The following GRM7 variants were observed in gnomAD, a reference collection of about 807,000 sequenced individuals.
The protein encoded by GRM7 is metabotropic glutamate receptor 7.
GRM7 carries 35 observed loss-of-function variants against 84.5 expected under a neutral mutation model. The ratio of observed to expected loss-of-function variants is 0.41; its 90% CI spans 0.32 to 0.55. GRM7 has a LOEUF of 0.55. Among genes scored for constraint, GRM7 ranks in the 20% least tolerant of loss-of-function variants. The pLI, the probability that GRM7 is intolerant of heterozygous loss-of-function variation, is 0.19. For missense variants in GRM7, 1,003 were observed against 1,194.6 expected (o/e 0.84, Z 2.36); for synonymous variants, 487 against 455.1 (o/e 1.07, Z -0.89).
chr3:6,949,022 G>A (rs1264547166), intron 1 of GRM7, among the ~76,000 whole-genome samples: 3 of 152,054 alleles, frequency 2.0e-5, no homozygotes, highest in African/African-American at 7.2e-5. Flanking sequence ...TTGCCAGTCT[G>A]TGTCTTTTAA....
At chr3:7,239,687 T>G (rs1344900731) in intron 2 of GRM7, among the ~76,000 whole-genome samples, 2 of 152,172 alleles carry the variant, frequency 1.3e-5, no homozygotes, top group Non-Finnish European at 2.9e-5. Flanking sequence ...GGGACATTTT[T>G]GATCTGGGAA....
intron 4 of GRM7, among the ~76,000 whole-genome samples, chr3:7,383,889 T>C (rs1694685382): frequency 6.6e-6 from 1 of 152,234 alleles, no homozygotes; most frequent in African/African-American, 2.4e-5. Context: ...CTCTTCAGCT[T>C]CGTGGAGTTT....
intron 1 of GRM7, among the ~76,000 whole-genome samples, chr3:7,030,372 T>C (rs1259325308): frequency 6.6e-6 from 1 of 152,110 alleles, no homozygotes; most frequent in East Asian, 1.9e-4. Context: ...TAGACACTTT[T>C]GGGGGTGGGA....
intron 4 of GRM7, among the ~76,000 whole-genome samples, chr3:7,332,107 A>C (rs1028835628): frequency 6.6e-6 from 1 of 152,164 alleles, no homozygotes; most frequent in Non-Finnish European, 1.5e-5. Flanking sequence ...AGCACTAAGT[A>C]AAATAACAGT....
At chr3:6,965,056 G>A (rs1173921439) in intron 1 of GRM7, among the ~76,000 whole-genome samples, 3 of 152,086 alleles carry the variant, frequency 2.0e-5, no homozygotes, top group Non-Finnish European at 4.4e-5. Flanking sequence ...TGGGTACCAG[G>A]GAAGCAGCAA....
intron 7 of GRM7, among the ~76,000 whole-genome samples, chr3:7,480,229 C>A (rs540514732): frequency 6.6e-6 from 1 of 152,130 alleles, no homozygotes; most frequent in Non-Finnish European, 1.5e-5. Context: ...TCCGCTAGGC[C>A]CCTCAAGATA....
chr3:7,142,789 T>C (rs1264153706), intron 1 of GRM7, among the ~76,000 whole-genome samples: 1 of 152,158 alleles, frequency 6.6e-6, no homozygotes, highest in Non-Finnish European at 1.5e-5. Context: ...ATAAATAGCA[T>C]ATGTTGTTAA....
At chr3:7,222,497 G>A (rs1180368810) in intron 2 of GRM7, among the ~76,000 whole-genome samples, 1 of 152,094 alleles carries the variant, frequency 6.6e-6, no homozygotes, top group African/African-American at 2.4e-5. Flanking sequence ...ACAGAGAACT[G>A]AAGTCAGCCA....
chr3:7,280,837 A>G (rs1201593496), intron 2 of GRM7, among the ~76,000 whole-genome samples: 2 of 152,126 alleles, frequency 1.3e-5, no homozygotes, highest in African/African-American at 4.8e-5. Flanking sequence ...TGTAATTTCT[A>G]TCTCCTTCTT....
At chr3:7,389,288 G>A (rs957255742) in intron 4 of GRM7, among the ~76,000 whole-genome samples, 1 of 152,096 alleles carries the variant, frequency 6.6e-6, no homozygotes, top group Non-Finnish European at 1.5e-5. Flanking sequence ...ATTGCTTTAT[G>A]ACTGAGAAAA....
At chr3:7,699,417 T>C (rs970741574) in intron 9 of GRM7, among the ~76,000 whole-genome samples, 3 of 152,236 alleles carry the variant, frequency 2.0e-5, no homozygotes, top group Middle Eastern at 3.2e-3. Context: ...GATATGTATT[T>C]AGAGTAGTTC....
intron 4 of GRM7, among the ~76,000 whole-genome samples, chr3:7,414,162 A>G (rs1045431116): frequency 6.6e-6 from 1 of 152,170 alleles, no homozygotes; most frequent in African/African-American, 2.4e-5. Context: ...CAGGTAAGGG[A>G]AAACTTTGAA....
In GRM7 at chr3:7,578,536, A is replaced by T; in HGVS notation, c.1630A>T (p.Thr544Ser). 1 of 1,613,898 alleles carries T rather than the reference A, an allele frequency of 6.2e-7. No individual in the cohort carries two copies. The highest frequency in any genetic ancestry group is 1.3e-5 in the African/African-American group (1 of 74,996). ...KTQKGTPCCW[T>S]CEPCDGYQYQ... ...ACAGAAAGGAACTCCTTGCTGTTGG[A>T]CCTGTGAGCCTTGCGATGGTTACCA... Residue 544 changes from threonine (T) to serine (S), a missense_variant, in exon 8 of 10, where the codon ACC becomes TCC. Thr to Ser is a moderately conservative substitution (Grantham distance 58). Coordinates refer to ENST00000357716, the MANE Select transcript of GRM7 (RefSeq NM_000844.4).
chr3:7,623,090 A>T (rs774344466), intron 8 of GRM7, among the ~76,000 whole-genome samples: 2 of 152,182 alleles, frequency 1.3e-5, no homozygotes, highest in Non-Finnish European at 2.9e-5. Context: ...GGGAAATATA[A>T]TTCAGCCTAG....
At chr3:7,242,523 T>C (rs1372597331) in intron 2 of GRM7, among the ~76,000 whole-genome samples, 1 of 152,182 alleles carries the variant, frequency 6.6e-6, no homozygotes. Flanking sequence ...TTTTTAACTT[T>C]GGGCAATTAT....
At chr3:7,326,673 C>A (rs1299323590) in intron 4 of GRM7, among the ~76,000 whole-genome samples, 2 of 151,812 alleles carry the variant, frequency 1.3e-5, no homozygotes, top group Non-Finnish European at 2.9e-5. Context: ...CATGGCGAAA[C>A]CCCATTTCTA....
intron 8 of GRM7, among the ~76,000 whole-genome samples, chr3:7,667,280 A>AAG (rs747820741): frequency 1.1e-4 from 16 of 148,904 alleles, no homozygotes; most frequent in South Asian, 4.2e-4. Flanking sequence ...AAAAAAAAAA[A>AAG]AGAGAGAGAG....
At chr3:7,018,415 C>A (rs1457397529) in intron 1 of GRM7, among the ~76,000 whole-genome samples, 1 of 152,240 alleles carries the variant, frequency 6.6e-6, no homozygotes, top group Non-Finnish European at 1.5e-5. Context: ...ATGGAACTTT[C>A]TAAGTGTCTG....
intron 7 of GRM7, among the ~76,000 whole-genome samples, chr3:7,539,632 G>A (rs892824296): frequency 4.2e-5 from 6 of 143,730 alleles, no homozygotes; most frequent in South Asian, 2.2e-4. Flanking sequence ...TTGAGATCGC[G>A]CCACTGCACT....
Sources: gnomAD v4.1 joint callset for allele counts (sites outside exome capture counted in the v4.1 genomes callset) on GRCh38, gnomAD v4.1.1 for gene constraint, MANE v1.5 for transcripts, NCBI Gene and HGNC (gene_info 2026-07-23, HGNC 2026-07-21) for gene names.